The following UNC13C variants were observed in gnomAD, a reference collection of about 807,000 sequenced individuals.
UNC13C encodes the protein protein unc-13 homolog C.
A neutral mutation model predicts 245.4 loss-of-function variants in UNC13C; 174 were observed. The observed-to-expected ratio is 0.71, with a 90% CI of 0.63 to 0.80. The LOEUF (loss-of-function observed/expected upper bound fraction) is 0.80. Among genes scored for constraint, UNC13C ranks in the 30% least tolerant of loss-of-function variants. UNC13C has a pLI of 0.00. For missense variants in UNC13C, 2,829 were observed against 2,602.9 expected (o/e 1.09, Z -1.89); for synonymous variants, 992 against 895.1 (o/e 1.11, Z -1.93).
chr15:54,496,597 A>G (rs532119185), intron 20 of UNC13C, among the ~76,000 whole-genome samples: 113 of 151,478 alleles, frequency 7.5e-4, no homozygotes, highest in African/African-American at 2.5e-3. Context: ...GTGTGTGTGT[A>G]TATATATATA....
intron 31 of UNC13C, 76 bp downstream of exon 31, chr15:54,622,495 T>C (rs942219248): frequency 2.4e-5 from 28 of 1,143,708 alleles, no homozygotes; most frequent in Non-Finnish European, 3.3e-5. Context: ...AATGTAACTT[T>C]TCTTGCATTT....
At chr15:53,946,285 T>C in the UNC13C span, among the ~76,000 whole-genome samples, 1 of 152,096 alleles carries the variant, frequency 6.6e-6, no homozygotes, top group Non-Finnish European at 1.5e-5. Flanking sequence ...ATAGGAGTGG[T>C]GAGTGAGGAC....
At chr15:54,112,481 G>T (rs143883558) in intron 2 of UNC13C, among the ~76,000 whole-genome samples, 2,569 of 152,278 alleles carry the variant, frequency 0.017, 28 homozygotes, top group Non-Finnish European at 0.027. Flanking sequence ...TTATGCAAAT[G>T]AGGTTTCTAC....
chr15:53,928,592 TA>T, the UNC13C span, among the ~76,000 whole-genome samples: 451 of 149,934 alleles, frequency 3.0e-3, 1 homozygote, highest in Admixed American at 5.2e-3. Flanking sequence ...TCTAACTATG[TA>T]AAAAAAAAAG....
At chr15:54,456,636 A>T (rs988452087) in intron 19 of UNC13C, among the ~76,000 whole-genome samples, 20 of 132,608 alleles carry the variant, frequency 1.5e-4, no homozygotes, top group Middle Eastern at 3.9e-3. Context: ...ATTTATTTAT[A>T]GTTGTTGCAA....
At chr15:53,935,438 G>C in the UNC13C span, among the ~76,000 whole-genome samples, 1 of 152,110 alleles carries the variant, frequency 6.6e-6, no homozygotes, top group South Asian at 2.1e-4. Flanking sequence ...GAATCACAAA[G>C]AAATGTATAG....
In UNC13C at chr15:54,243,393, C is replaced by G. The variant is rs28463016; in HGVS notation, c.3228+5703C>G. ...CTTTATCCAGTCTATCATTGATGGA[C>G]ATTTGGGTTGATTCCATGTCTTTAC... is the stretch of plus-strand genomic sequence containing the variant. On this transcript the variant is annotated intron_variant, in intron 7 of 32. Coordinates refer to ENST00000260323, the MANE Select transcript of UNC13C (RefSeq NM_001080534.3). 3.9e-3 allele frequency among the ~76,000 whole-genome samples: 599 copies of G among 152,174 alleles called. 3 individuals carry two copies. The highest frequency in any genetic ancestry group is 0.014 in the African/African-American group (588 of 41,504).
At chr15:54,624,869 G>A (rs973878249) in intron 32 of UNC13C, among the ~76,000 whole-genome samples, 5 of 152,106 alleles carry the variant, frequency 3.3e-5, no homozygotes, top group Non-Finnish European at 5.9e-5. Flanking sequence ...AAGTGGTTAA[G>A]AGTAGAGAAA....
At chr15:54,256,805 A>C (rs1193802771) in intron 8 of UNC13C, among the ~76,000 whole-genome samples, 1 of 152,246 alleles carries the variant, frequency 6.6e-6, no homozygotes, top group Non-Finnish European at 1.5e-5. Flanking sequence ...TAAAGCAACA[A>C]CAACCACTCA....
At chr15:53,965,958 G>T in the UNC13C span, among the ~76,000 whole-genome samples, 25 of 152,178 alleles carry the variant, frequency 1.6e-4, no homozygotes, top group East Asian at 4.1e-3. Context: ...TCTTAATCCA[G>T]TCTATCATTG....
Position 54,455,164 on chromosome 15 carries a change from C to CCTCTCTCTCTCTCTCTCTCTCTATCT in UNC13C, c.4934-39422_4934-39421insATCTCTCTCTCTCTCTCTCTCTCTCT, listed in dbSNP as rs1555467260. On this transcript the variant is annotated intron_variant, in intron 19 of 32. Coordinates refer to ENST00000260323, the MANE Select transcript of UNC13C (RefSeq NM_001080534.3). The stretch of plus-strand genomic sequence containing the variant: ...TTCCTTTCTATGGCTGAGTCATATT[C>CCTCTCTCTCTCTCTCTCTCTCTATCT]CTCTCTCTCTCTCTCTCTCTCTCTC... Among the ~76,000 whole-genome samples the CCTCTCTCTCTCTCTCTCTCTCTATCT allele has an allele frequency of 1.4e-3, 24 of 17,518 alleles. 3 individuals are homozygous for CCTCTCTCTCTCTCTCTCTCTCTATCT. The highest frequency in any genetic ancestry group is 2.7e-3 in the Admixed American group (3 of 1,118). 11.5% of individuals were successfully genotyped at this position (17,518 alleles called of 152,430 possible).
At chr15:54,451,734 C>T (rs1389390951) in intron 19 of UNC13C, among the ~76,000 whole-genome samples, 1 of 152,030 alleles carries the variant, frequency 6.6e-6, no homozygotes, top group Non-Finnish European at 1.5e-5. Flanking sequence ...AATATCATTA[C>T]TTTTAATTTT....
At chr15:54,166,785 G>A (rs1205489234) in intron 4 of UNC13C, among the ~76,000 whole-genome samples, 3 of 152,038 alleles carry the variant, frequency 2.0e-5, no homozygotes, top group Non-Finnish European at 4.4e-5. Flanking sequence ...TTTAAATGTG[G>A]TACAAGTTCT....
chr15:53,878,546 G>A, the UNC13C span, among the ~76,000 whole-genome samples: 1 of 152,156 alleles, frequency 6.6e-6, no homozygotes. Context: ...GCCTGGCTGG[G>A]GTTCCATTTA....
At chr15:54,219,526 GA>G (rs2035153994) in intron 4 of UNC13C, among the ~76,000 whole-genome samples, 1 of 148,142 alleles carries the variant, frequency 6.8e-6, no homozygotes, top group African/African-American at 2.5e-5. Flanking sequence ...TACCATTCAG[GA>G]CATAGGCATG....
intron 2 of UNC13C, among the ~76,000 whole-genome samples, chr15:54,111,914 G>A (rs897427451): frequency 3.3e-5 from 5 of 152,090 alleles, no homozygotes; most frequent in Admixed American, 3.3e-4. Flanking sequence ...AGAAATGGTG[G>A]CATGCAAAGT....
At chr15:53,946,194 C>A in the UNC13C span, among the ~76,000 whole-genome samples, 12 of 152,246 alleles carry the variant, frequency 7.9e-5, 1 homozygote, top group African/African-American at 2.9e-4. Flanking sequence ...GATCATTTGA[C>A]TTCCTATATT....
At chr15:54,228,716 G>T (rs764385322) in intron 4 of UNC13C, among the ~76,000 whole-genome samples, 1 of 152,122 alleles carries the variant, frequency 6.6e-6, no homozygotes. Flanking sequence ...GGCTGTGCTG[G>T]GTTCCAAGTT....
At chr15:54,287,108 G>C (rs1039161702) in intron 10 of UNC13C, among the ~76,000 whole-genome samples, 1 of 152,080 alleles carries the variant, frequency 6.6e-6, no homozygotes, top group African/African-American at 2.4e-5. Flanking sequence ...CCTAAACCCG[G>C]GGTCTTGGTT....
Sources: allele counts gnomAD v4.1 joint callset (sites outside exome capture counted in the v4.1 genomes callset), GRCh38; gene constraint gnomAD v4.1.1; transcripts MANE v1.5; gene names NCBI Gene and HGNC (gene_info 2026-07-23, HGNC 2026-07-21).